BCHE: variants seen among roughly 807,000 people sequenced by gnomAD.
BCHE encodes the protein cholinesterase.
BCHE carries 48 observed loss-of-function variants against 51.3 expected under a neutral mutation model. The ratio of observed to expected loss-of-function variants is 0.94; its 90% CI spans 0.74 to 1.19. BCHE has a LOEUF of 1.19. Ranked by LOEUF, BCHE falls within the 50% of genes most tolerant of loss-of-function variation. The pLI, the probability that BCHE is intolerant of heterozygous loss-of-function variation, is 0.00. For synonymous variants in BCHE, 251 were observed against 238.0 expected, an observed-to-expected ratio of 1.05 and a Z score of -0.50; for missense variants, 847 against 708.2, an observed-to-expected ratio of 1.20 and a Z score of -2.23.
chr3:165,777,871 TTC>T (rs935805808), intron 3 of BCHE: 7 of 372,458 alleles, frequency 1.9e-5, no homozygotes, highest in East Asian at 8.6e-5. Context: ...TAAATATATT[TTC>T]TCTCTTATGA....
intron 2 of BCHE, among the ~76,000 whole-genome samples, chr3:165,800,647 A>T (rs1311254578): frequency 6.6e-6 from 1 of 152,242 alleles, no homozygotes; most frequent in African/African-American, 2.4e-5. Flanking sequence ...ATTGTGAAAA[A>T]ATGAGATTAC....
Position 165,793,018 on chromosome 3 carries a change from T to C in BCHE, c.1518-6707A>G, listed in dbSNP as rs990739821. 3.3e-5 allele frequency among the ~76,000 whole-genome samples: 5 copies of C among 152,266 alleles called. No homozygotes were observed. In the South Asian group the frequency reaches 8.3e-4, roughly 25 times the overall value. ...ATTGTTTCTTTTGCTGTGAAGAAGA[T>C]TTTTTTAGTTTAATACAGTTCCATT... On this transcript the variant is annotated intron_variant, in intron 2 of 3. Transcript: ENST00000264381.
chr3:165,803,834 G>A lies in BCHE; in HGVS notation c.1518-17523C>T, dbSNP rs146430380. On this transcript the variant is annotated intron_variant, in intron 2 of 3. Coordinates refer to ENST00000264381, the MANE Select transcript of BCHE (RefSeq NM_000055.4). ...GCATATTAAATACTTAAGTAGATAC[G>A]TACATAAGGCACAGGGGTTTAGGAA... 2.0e-3 allele frequency among the ~76,000 whole-genome samples: 310 copies of A among 152,204 alleles called. 9 individuals are homozygous for A. In the East Asian group the frequency reaches 0.038, roughly 19 times the overall value.
Position 165,773,339 on chromosome 3 carries a change from TG to T in BCHE, c.*42del, listed in dbSNP as rs1559998675. Reference sequence around the variant, plus strand: ...AAAAAAGCTCCTGATATTTTTGCCTTGATCTAAAGGAAAATATGTTCTATAA... The same window carrying T: ...AAAAAAGCTCCTGATATTTTTGCCTTATCTAAAGGAAAATATGTTCTATAA... On this transcript the variant is annotated 3_prime_UTR_variant, in exon 4 of 4. Transcript: ENST00000264381. The T allele has an allele frequency of 1.3e-5, 20 of 1,578,310 alleles. No homozygotes were observed. The highest frequency in any genetic ancestry group is 1.6e-5 in the Non-Finnish European group (18 of 1,155,476).
chr3:165,783,900 C>A (rs191612812), intron 3 of BCHE, among the ~76,000 whole-genome samples: 2 of 151,996 alleles, frequency 1.3e-5, no homozygotes, highest in Admixed American at 1.3e-4. Context: ...ACAGCATAGC[C>A]ATGTGCTGAA....
Position 165,789,406 on chromosome 3 carries a change from A to G in BCHE, c.1518-3095T>C, listed in dbSNP as rs73877728. Among the ~76,000 whole-genome samples, 1,056 of 152,256 alleles carry G rather than the reference A, an allele frequency of 6.9e-3. 10 individuals carry two copies. Among genetic ancestry groups the G allele is most frequent in the African/African-American group, 0.024 (981 of 41,554 alleles). ...CTCATTTTATGAACAGATTAAAGAA[A>G]AAGACATCAATTGATTCAGGATGCC... On this transcript the variant is annotated intron_variant, in intron 2 of 3. Coordinates refer to ENST00000264381, the MANE Select transcript of BCHE (RefSeq NM_000055.4).
In BCHE at chr3:165,828,029, C is replaced by A. The variant is rs574524353; in HGVS notation, c.1517+1488G>T. ...GAATATCAAATCAAAACCACAGGTTCTGTTTCAAGAACGTAGTTTAGTATG... is the reference window on the plus strand; with the variant it reads ...GAATATCAAATCAAAACCACAGGTTATGTTTCAAGAACGTAGTTTAGTATG... On this transcript the variant is annotated intron_variant, in intron 2 of 3. Coordinates refer to ENST00000264381, the MANE Select transcript of BCHE (RefSeq NM_000055.4). 1.3e-5 allele frequency: 6 copies of A among 456,012 alleles called. No individual in the cohort carries two copies. The Middle Eastern group carries it at 1.3e-3, about 99-fold the overall frequency. 28.2% of individuals were successfully genotyped at this position (456,012 alleles called of 1,614,324 possible).
At chr3:165,822,009 A>G (rs1023356476) in intron 2 of BCHE, among the ~76,000 whole-genome samples, 5 of 151,996 alleles carry the variant, frequency 3.3e-5, no homozygotes, top group Non-Finnish European at 7.4e-5. Context: ...TAAATAATAA[A>G]TAAAATATTA....
intron 2 of BCHE, among the ~76,000 whole-genome samples, chr3:165,822,360 G>T (rs2108229351): frequency 6.6e-6 from 1 of 152,092 alleles, no homozygotes; most frequent in African/African-American, 2.4e-5. Context: ...TGGTGTGGAA[G>T]CTAAGTTTAA....
intron 2 of BCHE, among the ~76,000 whole-genome samples, chr3:165,787,970 T>C (rs1375721824): frequency 6.6e-6 from 1 of 152,064 alleles, no homozygotes; most frequent in Non-Finnish European, 1.5e-5. Flanking sequence ...TTCCTTGCTC[T>C]TATTCTACCT....
chr3:165,817,156 G>T (rs1714342559), intron 2 of BCHE, among the ~76,000 whole-genome samples: 1 of 151,864 alleles, frequency 6.6e-6, no homozygotes, highest in South Asian at 2.1e-4. Context: ...TAGTATCCTT[G>T]TCCCAATTTA....
intron 2 of BCHE, among the ~76,000 whole-genome samples, chr3:165,789,061 A>G (rs1400375473): frequency 2.0e-5 from 3 of 152,182 alleles, no homozygotes; most frequent in African/African-American, 7.2e-5. Flanking sequence ...AAATTATAAC[A>G]TAAATTTAAA....
chr3:165,810,435 G>A (rs760414852), intron 2 of BCHE, among the ~76,000 whole-genome samples: 30 of 152,104 alleles, frequency 2.0e-4, no homozygotes, highest in South Asian at 4.1e-4. Context: ...GCAGATAGGC[G>A]TATTTTAAGA....
intron 2 of BCHE, among the ~76,000 whole-genome samples, chr3:165,814,740 C>T (rs1714236831): frequency 1.3e-5 from 2 of 151,902 alleles, no homozygotes; most frequent in African/African-American, 4.8e-5. Flanking sequence ...GGGCTACTTC[C>T]TAGTCTCTTT....
At position 165,790,705 on chromosome 3, in the gene BCHE, T is replaced by C. The variant is rs1713132508; in HGVS notation, c.1518-4394A>G. Reference sequence around the variant, plus strand: ...GGTAAGGGAGCTTTGTAATATTTAATAGAAAATGAAGTGAAGACTTGAGGA... The same window carrying C: ...GGTAAGGGAGCTTTGTAATATTTAACAGAAAATGAAGTGAAGACTTGAGGA... On this transcript the variant is annotated intron_variant, in intron 2 of 3. Coordinates refer to ENST00000264381, the MANE Select transcript of BCHE (RefSeq NM_000055.4). Among the ~76,000 whole-genome samples the C allele has an allele frequency of 2.6e-5, 4 of 152,256 alleles. No individual in the cohort carries two copies. The South Asian group carries it at 8.3e-4, about 32-fold the overall frequency.
intron 3 of BCHE, among the ~76,000 whole-genome samples, chr3:165,781,544 G>A (rs774772378): frequency 4.6e-5 from 7 of 151,848 alleles, no homozygotes; most frequent in Non-Finnish European, 1.0e-4. Flanking sequence ...TGAACAATGA[G>A]AACACATGGA....
chr3:165,787,900 A>T (rs1713016413), intron 2 of BCHE, among the ~76,000 whole-genome samples: 1 of 151,974 alleles, frequency 6.6e-6, no homozygotes, highest in East Asian at 1.9e-4. Context: ...AGAAACTATA[A>T]AGTTTTTCAG....
intron 2 of BCHE, among the ~76,000 whole-genome samples, chr3:165,812,759 A>T (rs888595421): frequency 2.0e-5 from 3 of 152,014 alleles, no homozygotes; most frequent in African/African-American, 7.2e-5. Flanking sequence ...TCTCTCAAAG[A>T]AAGCATAATA....
chr3:165,837,322 C>G lies in BCHE; in HGVS notation c.-17G>C, dbSNP rs1251592014. ...AATTCAGAGCAACTTACCCGATTCT[C>G]TGCAACAAAGATGGCAAAGTTTGCA... is the stretch of plus-strand genomic sequence containing the variant. On this transcript the variant is annotated 5_prime_UTR_variant, in exon 1 of 4. Transcript: ENST00000264381. 2.3e-6 allele frequency: 3 copies of G among 1,289,390 alleles called. No individual in the cohort carries two copies. Among genetic ancestry groups the G allele is most frequent in the Non-Finnish European group, 3.0e-6 (3 of 988,626 alleles). The allele number at this position is 1,289,390 out of a possible 1,614,324, so 79.9% of individuals were successfully genotyped here. A position where few individuals can be genotyped will look rare whatever the true frequency, so the allele number is the denominator to read the frequency against.
Sources: gnomAD v4.1 joint callset for allele counts (sites outside exome capture counted in the v4.1 genomes callset) on GRCh38, gnomAD v4.1.1 for gene constraint, MANE v1.5 for transcripts, NCBI Gene and HGNC (gene_info 2026-07-23, HGNC 2026-07-21) for gene names.